Variants in CES5A observed in about 807,000 individuals in gnomAD.
The protein encoded by CES5A is carboxylesterase 5A, also known as carboxylesterase 5.
In CES5A, 67 loss-of-function variants were observed where a neutral mutation model predicts 62.9. The ratio of observed to expected loss-of-function variants is 1.07; its 90% CI spans 0.88 to 1.31. The LOEUF (loss-of-function observed/expected upper bound fraction) is 1.31. CES5A is among the 50% of genes most tolerant of loss of function. The pLI is 0.00. For synonymous variants in CES5A, 296 were observed against 280.8 expected, an observed-to-expected ratio of 1.05 and a Z score of -0.54; for missense variants, 748 against 708.5, an observed-to-expected ratio of 1.06 and a Z score of -0.63.
At position 55,846,824 on chromosome 16, in the gene CES5A, C is replaced by T. The variant is rs1448773145; in HGVS notation, c.1440G>A (p.Glu480=). 6.2e-7 allele frequency: 1 copy of T among 1,614,122 alleles called. No individual in the cohort carries two copies. The highest frequency in any genetic ancestry group is 1.1e-5 in the South Asian group (1 of 91,076). Residue 480 remains glutamate (E), a synonymous_variant, in exon 12 of 13, where the codon GAG becomes GAA. Transcript: ENST00000290567. ...TCATCTTCCGGCTCAGTAACTTCTC[C>T]TCCTCCGTGGCTCCTTCTGAAGGAG... The part of the protein sequence containing the change: ...DIVMFEGATE[E]EKLLSRKMMK...
At chr16:55,882,893 G>T (rs1421332245) in intron 1 of CES5A, among the ~76,000 whole-genome samples, 4 of 152,226 alleles carry the variant, frequency 2.6e-5, no homozygotes, top group African/African-American at 9.6e-5. Context: ...TGAGCATGAA[G>T]TTGTAAATGT....
At position 55,912,087 on chromosome 16, in the gene CES5A, C is replaced by T. The variant is rs566342756; in HGVS notation, c.-256+13236G>A. Among the ~76,000 whole-genome samples, 12 of 152,306 alleles carry T rather than the reference C, an allele frequency of 7.9e-5. No individual in the cohort carries two copies. In the South Asian group the frequency reaches 2.5e-3, roughly 32 times the overall value. On this transcript the variant is annotated intron_variant, in intron 1 of 12. Transcript: ENST00000518005. ...ACAGGCCTTGTATCAACTCCCCGCC[C>T]CTCCCAGAAGTAGAGGAACATGTAT...
At chr16:55,868,779 T>C (rs1346249933) in intron 4 of CES5A, among the ~76,000 whole-genome samples, 1 of 152,202 alleles carries the variant, frequency 6.6e-6, no homozygotes, top group African/African-American at 2.4e-5. Context: ...CTGCCATGTC[T>C]TAGACAGGAT....
chr16:55,949,886 C>A, exon 2 of CES5A: 1 of 1,498,194 alleles, frequency 6.7e-7, no homozygotes, highest in Non-Finnish European at 8.9e-7. Context: ...CCACATTCCC[C>A]TTCTTATCCT....
intron 1 of CES5A, among the ~76,000 whole-genome samples, chr16:55,951,103 CAAAAAAAAAAAAAA>C (rs55951124): frequency 0.034 from 1,519 of 44,454 alleles, 68 homozygotes; most frequent in East Asian, 0.33. Context: ...GACTCCATCT[CAAAAAAAAAAAAAA>C]AAAAAAAAAA....
chr16:55,856,568 A>G, intron 8 of CES5A, 123 bp from the exon 9 acceptor site: 3 of 790,296 alleles, frequency 3.8e-6, no homozygotes, highest in Non-Finnish European at 6.5e-6. Context: ...AAGCCCAAGC[A>G]GCCACATGTG....
intron 3 of CES5A, among the ~76,000 whole-genome samples, chr16:55,870,098 T>C (rs1597124644): frequency 6.6e-6 from 1 of 152,234 alleles, no homozygotes; most frequent in Admixed American, 6.5e-5. Flanking sequence ...CAATGAGCAA[T>C]AGCACATTTC....
intron 1 of CES5A, chr16:55,949,974 C>T: frequency 1.6e-6 from 1 of 616,952 alleles, no homozygotes; most frequent in Non-Finnish European, 2.5e-6. Flanking sequence ...ATAATATAAC[C>T]AATACAGCAT....
chr16:55,858,769 C>T (rs1305988299), intron 8 of CES5A, among the ~76,000 whole-genome samples: 4 of 152,236 alleles, frequency 2.6e-5, no homozygotes, highest in Non-Finnish European at 5.9e-5. Flanking sequence ...GTCTCCACTC[C>T]TCTGAGGACA....
intron 1 of CES5A, among the ~76,000 whole-genome samples, chr16:55,951,614 G>A (rs1406812566): frequency 2.6e-5 from 4 of 152,134 alleles, no homozygotes; most frequent in African/African-American, 9.7e-5. Context: ...TAGCTATGTT[G>A]TGCGAATTCT....
chr16:55,853,750 C>T (rs1246290232), intron 9 of CES5A, among the ~76,000 whole-genome samples: 1 of 152,106 alleles, frequency 6.6e-6, no homozygotes, highest in Non-Finnish European at 1.5e-5. Context: ...AGCCTGCCTC[C>T]CAGGCTTCTC....
intron 1 of CES5A, among the ~76,000 whole-genome samples, chr16:55,891,974 GA>G (rs2033884381): frequency 6.6e-6 from 1 of 152,168 alleles, no homozygotes; most frequent in African/African-American, 2.4e-5. Flanking sequence ...CGTCTGTAAA[GA>G]ATCTCTATTA....
At chr16:55,849,914 T>G in intron 10 of CES5A, 141 bp from the exon 11 acceptor site, 1 of 850,120 alleles carries the variant, frequency 1.2e-6, no homozygotes, top group Non-Finnish European at 1.8e-6. Flanking sequence ...CTTCCTCATT[T>G]GAGGCTGGAA....
intron 1 of CES5A, among the ~76,000 whole-genome samples, chr16:55,888,849 A>G (rs1337190292): frequency 6.6e-6 from 1 of 152,210 alleles, no homozygotes; most frequent in East Asian, 1.9e-4. Flanking sequence ...GTCTGACTCT[A>G]GCTTTAACCA....
intron 4 of CES5A, among the ~76,000 whole-genome samples, chr16:55,866,672 A>C (rs1311250036): frequency 1.4e-5 from 2 of 138,946 alleles, no homozygotes; most frequent in African/African-American, 2.7e-5. Context: ...AAAAAAAAAA[A>C]AAAAAATACA....
At position 55,875,139 on chromosome 16, in the gene CES5A, G is replaced by A; in HGVS notation, c.73+10C>T. 3 of 1,613,278 alleles carry A rather than the reference G, an allele frequency of 1.9e-6. 1 individual carries two copies. Among genetic ancestry groups the A allele is most frequent in the Non-Finnish European group, 2.5e-6 (3 of 1,179,256 alleles). Reference sequence around the variant, plus strand: ...TTCTGAGAGCCCTCCTTTCCCATTGGATATCTCACCTTTGGTGGGGGCTGC... The same window carrying A: ...TTCTGAGAGCCCTCCTTTCCCATTGAATATCTCACCTTTGGTGGGGGCTGC... On this transcript the variant is annotated intron_variant, in intron 1 of 12. Transcript: ENST00000290567.
intron 1 of CES5A, among the ~76,000 whole-genome samples, chr16:55,903,842 G>A (rs949203860): frequency 2.6e-5 from 4 of 152,162 alleles, no homozygotes; most frequent in Non-Finnish European, 1.5e-5. Flanking sequence ...TAGTTGAGAG[G>A]GATTTAGATT....
At chr16:55,917,588 T>A (rs2034160303) in intron 1 of CES5A, among the ~76,000 whole-genome samples, 1 of 152,192 alleles carries the variant, frequency 6.6e-6, no homozygotes, top group Non-Finnish European at 1.5e-5. Flanking sequence ...CATGTAGGCA[T>A]CTCAGGCAGC....
intron 1 of CES5A, among the ~76,000 whole-genome samples, chr16:55,901,975 A>T (rs2033994783): frequency 6.6e-6 from 1 of 152,228 alleles, no homozygotes; most frequent in Middle Eastern, 3.2e-3. Context: ...ACAGGGAAGG[A>T]TCGCAGCCTT....
Sources: gnomAD v4.1 joint callset for allele counts (sites outside exome capture counted in the v4.1 genomes callset) on GRCh38, gnomAD v4.1.1 for gene constraint, MANE v1.5 for transcripts, NCBI Gene and HGNC (gene_info 2026-07-23, HGNC 2026-07-21) for gene names.